The following PATL1 variants were observed in gnomAD, a reference collection of about 807,000 sequenced individuals.
The protein encoded by PATL1 is protein PAT1 homolog 1.
In PATL1, 32 loss-of-function variants were observed where a neutral mutation model predicts 100.6. The ratio of observed to expected loss-of-function variants is 0.32; its 90% CI spans 0.24 to 0.43. The LOEUF is 0.43. Ranked by LOEUF, PATL1 falls within the 20% of genes least tolerant of loss-of-function variation. The pLI is 1.00. For missense variants in PATL1, 747 were observed against 949.9 expected, an observed-to-expected ratio of 0.79 and a Z score of 2.81; for synonymous variants, 332 against 330.0, an observed-to-expected ratio of 1.01 and a Z score of -0.07.
At chr11:59,655,865 T>C in intron 7 of PATL1, 91 bp downstream of exon 7, 1 of 1,356,074 alleles carries the variant, frequency 7.4e-7, no homozygotes, top group Non-Finnish European at 1.0e-6. Context: ...AAAATAAAAG[T>C]AGTGATTAAC....
intron 8 of PATL1, 59 bp downstream of exon 8, chr11:59,655,464 C>T (rs1861514434): frequency 7.4e-7 from 1 of 1,355,710 alleles, no homozygotes; most frequent in East Asian, 2.5e-5. Context: ...TAAAACTACA[C>T]ATCCACAATC....
In PATL1 at chr11:59,657,646, A is replaced by T; in HGVS notation, c.505T>A (p.Ser169Thr). 6.2e-7 allele frequency: 1 copy of T among 1,613,742 alleles called. No individual in the cohort carries two copies. The highest frequency in any genetic ancestry group is 8.5e-7 in the Non-Finnish European group (1 of 1,179,838). Reference protein sequence around the residue: ...PQGPEDDRDLSERALPRRSTS... With the variant: ...PQGPEDDRDLTERALPRRSTS... ...GACCGCCTTGGTAATGCTCGTTCAG[A>T]AAGGTCCCGATCATCTTCTGGACCC... is the stretch of plus-strand genomic sequence containing the variant. Residue 169 changes from serine to threonine, a missense_variant, in exon 5 of 19, where the codon TCT becomes ACT. Around this residue, in one of 4 missense-constraint regions of PATL1, gnomAD observed 183 missense variants for 221.2 expected, o/e 0.83. Transcript: ENST00000300146.
intron 6 of PATL1, 48 bp from the exon 7 acceptor site, chr11:59,656,093 G>T: frequency 9.0e-7 from 1 of 1,109,106 alleles, no homozygotes; most frequent in Non-Finnish European, 1.2e-6. Flanking sequence ...TAAAACAGGG[G>T]GTACATCATA....
At chr11:59,649,276 TC>T (rs1861407212) in intron 14 of PATL1, among the ~76,000 whole-genome samples, 185 bp downstream of exon 14, 1 of 152,212 alleles carries the variant, frequency 6.6e-6, no homozygotes, top group African/African-American at 2.4e-5. Flanking sequence ...ACTTTTTTTT[TC>T]TTTCCTCACT....
intron 2 of PATL1, among the ~76,000 whole-genome samples, chr11:59,660,016 T>G (rs1261468599): frequency 6.6e-6 from 1 of 152,182 alleles, no homozygotes; most frequent in Admixed American, 6.5e-5. Flanking sequence ...ATTAATAGCT[T>G]AAAACATTAT....
intron 9 of PATL1, among the ~76,000 whole-genome samples, chr11:59,653,719 T>G (rs1167125050): frequency 1.3e-5 from 2 of 152,212 alleles, no homozygotes; most frequent in African/African-American, 4.8e-5. Context: ...TTTTCTACGT[T>G]TATTACTTGT....
At chr11:59,642,830 G>T in intron 16 of PATL1, 50 bp downstream of exon 16, 1 of 1,538,196 alleles carries the variant, frequency 6.5e-7, no homozygotes, top group Non-Finnish European at 8.8e-7. Context: ...AATCTATAAC[G>T]CAAATTAAGA....
intron 14 of PATL1, among the ~76,000 whole-genome samples, chr11:59,648,245 G>C (rs1375934679): frequency 6.7e-6 from 1 of 148,166 alleles, no homozygotes; most frequent in East Asian, 2.0e-4. Context: ...GAGTGCAGTG[G>C]CGCTATCTTG....
rs560619383 is a variant in PATL1 at position 59,659,601 on chromosome 11, G to A, written c.128-132C>T. 8.4e-5 allele frequency: 66 copies of A among 781,884 alleles called. 1 individual carries two copies. The East Asian group carries it at 1.3e-3, about 15-fold the overall frequency. 48.4% of individuals were successfully genotyped at this position (781,884 alleles called of 1,614,324 possible). ...GGCTGCAGTGCAGTGGCGTGATCTC[G>A]GCTCACCGCAACCTCCACCTCCCGG... On this transcript the variant is annotated intron_variant, in intron 2 of 18. Transcript: ENST00000300146.
At chr11:59,646,974 C>A (rs1018806782) in intron 15 of PATL1, among the ~76,000 whole-genome samples, 1 of 152,070 alleles carries the variant, frequency 6.6e-6, no homozygotes. Context: ...AATCCCAGCA[C>A]TTTGGGAGGC....
At chr11:59,638,493 T>C in intron 18 of PATL1, 82 bp from the exon 19 acceptor site, 1 of 1,268,560 alleles carries the variant, frequency 7.9e-7, no homozygotes, top group South Asian at 1.3e-5. Context: ...GTTACATCTT[T>C]GTAAGACTTC....
At chr11:59,668,327 C>T (rs1252819658) in intron 1 of PATL1, among the ~76,000 whole-genome samples, 1 of 152,202 alleles carries the variant, frequency 6.6e-6, no homozygotes, top group East Asian at 1.9e-4. Context: ...CCAGAAGGAA[C>T]TTCTGCAGGA....
In PATL1 at chr11:59,647,839, A is replaced by C; in HGVS notation, c.1808T>G (p.Phe603Cys). The change falls in exon 15 of 19, where the codon TTC becomes TGC. Residue 603 changes from phenylalanine (F) to cysteine (C), a missense_variant. Physicochemically the swap from Phe to Cys is radical, Grantham distance 205. Transcript: ENST00000300146. ...GKRMVARILPFLSTEQAADIL... is the reference protein window; with the variant it reads ...GKRMVARILPCLSTEQAADIL... ...GTCAGCTGCTTGCTCTGTGGAGAGGAAAGGAAGAATACGGGCAACCATTCT... is the reference window on the plus strand; with the variant it reads ...GTCAGCTGCTTGCTCTGTGGAGAGGCAAGGAAGAATACGGGCAACCATTCT... 1.9e-6 allele frequency: 3 copies of C among 1,613,896 alleles called. No homozygotes were observed. The Middle Eastern group carries it at 4.9e-4, about 266-fold the overall frequency.
rs945152746 is a variant in PATL1, at chr11:59,661,507, C to T, written c.128-2038G>A. Among the ~76,000 whole-genome samples, 9 of 152,170 alleles carry T rather than the reference C, an allele frequency of 5.9e-5. No individual in the cohort carries two copies. The South Asian group carries it at 1.9e-3, about 32-fold the overall frequency. ...TCTATATGCATTACTTTCTAACCCA[C>T]AAAAAGTATTATTTTGTATATGTTA... On this transcript the variant is annotated intron_variant, in intron 2 of 18. Transcript: ENST00000300146.
chr11:59,659,478 T>A lies in PATL1; in HGVS notation c.128-9A>T. On this transcript the variant is annotated splice_polypyrimidine_tract_variant and intron_variant, in intron 2 of 18. Transcript: ENST00000300146. ...TTCCTGCCAATCATCATCTATAAGA[T>A]GACACAGTTCATGTAAGAAATAGTT... 1 of 1,547,952 alleles carries A rather than the reference T, an allele frequency of 6.5e-7. No homozygotes were observed. Among genetic ancestry groups the A allele is most frequent in the Non-Finnish European group, 8.7e-7 (1 of 1,146,606 alleles).
At chr11:59,658,080 C>T (rs531170140) in intron 4 of PATL1, among the ~76,000 whole-genome samples, 29 of 151,930 alleles carry the variant, frequency 1.9e-4, no homozygotes, top group African/African-American at 7.0e-4. Flanking sequence ...GGGAGGATCA[C>T]TTGAGCCCGG....
chr11:59,666,112 G>A (rs1861685913), intron 2 of PATL1, among the ~76,000 whole-genome samples: 1 of 152,140 alleles, frequency 6.6e-6, no homozygotes, highest in Non-Finnish European at 1.5e-5. Context: ...TCGGTGTGGT[G>A]GCGGGCACCT....
intron 2 of PATL1, among the ~76,000 whole-genome samples, chr11:59,666,252 GAATA>G (rs141762912): frequency 3.3e-5 from 5 of 151,942 alleles, no homozygotes; most frequent in South Asian, 2.1e-4. Flanking sequence ...TCTCGAAAAA[GAATA>G]AATAAATAAA....
At position 59,666,400 on chromosome 11, in the gene PATL1, A is replaced by C. The variant is rs140587724; in HGVS notation, c.127+453T>G. Among the ~76,000 whole-genome samples the C allele has an allele frequency of 1.3e-3, 192 of 152,362 alleles. 3 individuals carry two copies. Among genetic ancestry groups the C allele is most frequent in the African/African-American group, 4.4e-3 (181 of 41,584 alleles). On this transcript the variant is annotated intron_variant, in intron 2 of 18. Transcript: ENST00000300146. ...ATATTTTGAAGATACTATAAGTTGC[A>C]AAGTTATATACTAGTGATAGACTAA...
Sources: gnomAD v4.1 joint callset for allele counts (sites outside exome capture counted in the v4.1 genomes callset) on GRCh38, gnomAD v4.1.1 for gene constraint, gnomAD v4.1.1 regional missense constraint, MANE v1.5 for transcripts, NCBI Gene and HGNC (gene_info 2026-07-23, HGNC 2026-07-21) for gene names.